The following ZNF609 variants were observed in gnomAD, a reference collection of about 807,000 sequenced individuals.
The protein encoded by ZNF609 is zinc finger protein 609.
A neutral mutation model predicts 109.5 loss-of-function variants in ZNF609; 11 were observed. The observed-to-expected ratio is 0.10, with a 90% CI of 0.06 to 0.17. The LOEUF is 0.17. ZNF609 is among the 10% of genes least tolerant of loss of function. ZNF609 has a pLI of 1.00. For missense variants in ZNF609, 1,559 were observed against 1,772.4 expected (o/e 0.88, Z 2.16); for synonymous variants, 646 against 662.0 (o/e 0.98, Z 0.37).
Position 64,684,572 on chromosome 15 carries a change from ACT to A in ZNF609, c.*2892_*2893del, listed in dbSNP as rs2083230401. 1 of 152,258 alleles carries A rather than the reference ACT, an allele frequency of 6.6e-6. No individual in the cohort carries two copies. 9.4% of individuals were successfully genotyped at this position (152,258 alleles called of 1,614,324 possible). On this transcript the variant is annotated 3_prime_UTR_variant, in exon 10 of 10. Coordinates refer to ENST00000326648, the MANE Select transcript of ZNF609 (RefSeq NM_015042.2). ...GTATGAAATTTCCTTCTCTTACCGA[ACT>A]CTCTCCACACATCACAAGGTCAAAG...
At position 64,516,408 on chromosome 15, in the gene ZNF609, G is replaced by A. The variant is rs543732885; in HGVS notation, c.747+16242G>A. ...TTGTTTTGAGACAGAGTCTTGCTCT[G>A]TTGCCCAGGCTGGAGTGCAATGGCA... On this transcript the variant is annotated intron_variant, in intron 2 of 9. Transcript: ENST00000326648. Among the ~76,000 whole-genome samples, 242 of 152,304 alleles carry A rather than the reference G, an allele frequency of 1.6e-3. 1 individual carries two copies. Among genetic ancestry groups the A allele is most frequent in the Non-Finnish European group, 2.6e-3 (178 of 68,022 alleles).
intron 2 of ZNF609, among the ~76,000 whole-genome samples, chr15:64,507,710 G>A (rs1451287575): frequency 6.6e-6 from 1 of 152,128 alleles, no homozygotes; most frequent in Non-Finnish European, 1.5e-5. Flanking sequence ...TGAGCATGTT[G>A]TATCTCTGTG....
chr15:64,667,620 G>T (rs1015324359), intron 3 of ZNF609, among the ~76,000 whole-genome samples: 1 of 152,100 alleles, frequency 6.6e-6, no homozygotes, highest in African/African-American at 2.4e-5. Context: ...GCTGAGGCAG[G>T]AGAATCACTT....
chr15:64,665,064 C>T (rs1896627646), intron 3 of ZNF609, among the ~76,000 whole-genome samples: 1 of 152,194 alleles, frequency 6.6e-6, no homozygotes. Flanking sequence ...GGGAGACATC[C>T]ATTTGAAATC....
At chr15:64,590,280 G>C (rs957446159) in intron 2 of ZNF609, among the ~76,000 whole-genome samples, 2 of 152,110 alleles carry the variant, frequency 1.3e-5, no homozygotes, top group African/African-American at 4.8e-5. Context: ...ATACATATTA[G>C]TAGGGGAGAG....
At chr15:64,582,711 TC>T (rs1478840571) in intron 2 of ZNF609, among the ~76,000 whole-genome samples, 22 of 104,718 alleles carry the variant, frequency 2.1e-4, no homozygotes, top group African/African-American at 5.9e-4. Flanking sequence ...TTTCTTTCTT[TC>T]TTTCTTTTTT....
At chr15:64,565,066 T>C (rs1894754592) in intron 2 of ZNF609, among the ~76,000 whole-genome samples, 2 of 148,852 alleles carry the variant, frequency 1.3e-5, no homozygotes, top group Non-Finnish European at 3.0e-5. Context: ...TCTTTTTTTT[T>C]TTTTGAGACG....
rs577242404 is a variant in ZNF609, at chr15:64,529,241, G to A, written c.747+29075G>A. 134 of 717,076 alleles carry A rather than the reference G, an allele frequency of 1.9e-4. No homozygotes were observed. In the African/African-American group the frequency reaches 2.2e-3, roughly 12 times the overall value. 44.4% of individuals were successfully genotyped at this position (717,076 alleles called of 1,614,324 possible). A position where few individuals can be genotyped will look rare whatever the true frequency, so the allele number is the denominator to read the frequency against. ...AGGAGGCATTGCTGACGATCTTGAGGCTGTTGTCATACTTCTCATGGTTCA... is the reference window on the plus strand; with the variant it reads ...AGGAGGCATTGCTGACGATCTTGAGACTGTTGTCATACTTCTCATGGTTCA... On this transcript the variant is annotated intron_variant, in intron 2 of 9. Transcript: ENST00000326648.
intron 3 of ZNF609, among the ~76,000 whole-genome samples, chr15:64,643,104 G>C (rs1436288847): frequency 6.6e-6 from 1 of 152,096 alleles, no homozygotes; most frequent in Non-Finnish European, 1.5e-5. Context: ...CCAGAGATCA[G>C]CTGTGGGAAG....
chr15:64,641,215 C>CTTTCTTTTTTTT (rs1896248895), intron 3 of ZNF609, among the ~76,000 whole-genome samples: 1 of 18,126 alleles, frequency 5.5e-5, no homozygotes, highest in South Asian at 6.4e-4. Flanking sequence ...TACACTTGTG[C>CTTTCTTTTTTTT]TTTCTTTTTT....
chr15:64,652,701 T>C (rs1806032373), intron 3 of ZNF609, among the ~76,000 whole-genome samples: 1 of 152,154 alleles, frequency 6.6e-6, no homozygotes, highest in South Asian at 2.1e-4. Context: ...ACTTGGCTTA[T>C]TTTTTAAAAA....
intron 2 of ZNF609, among the ~76,000 whole-genome samples, chr15:64,537,338 A>C (rs1429731693): frequency 6.6e-6 from 1 of 151,042 alleles, no homozygotes; most frequent in African/African-American, 2.4e-5. Context: ...TCTCTACTAA[A>C]AATACATACA....
At chr15:64,585,141 A>G (rs1408849605) in intron 2 of ZNF609, among the ~76,000 whole-genome samples, 1 of 151,776 alleles carries the variant, frequency 6.6e-6, no homozygotes, top group Non-Finnish European at 1.5e-5. Context: ...CCTGGCCAAC[A>G]TGGCAAAAAC....
At chr15:64,500,504 T>G in intron 2 of ZNF609, 1 of 616,658 alleles carries the variant, frequency 1.6e-6, no homozygotes, top group Non-Finnish European at 2.9e-6. Flanking sequence ...CATCAGACCT[T>G]TATTTGTTTC....
chr15:64,669,285 T>C (rs567055278), intron 3 of ZNF609, among the ~76,000 whole-genome samples: 2 of 152,328 alleles, frequency 1.3e-5, no homozygotes, highest in East Asian at 3.9e-4. Flanking sequence ...TTGCAGTTTA[T>C]TTGTAATAGC....
chr15:64,526,108 T>C (rs1275051115), intron 2 of ZNF609, among the ~76,000 whole-genome samples: 1 of 150,782 alleles, frequency 6.6e-6, no homozygotes, highest in Non-Finnish European at 1.5e-5. Context: ...TCTTTTCTTT[T>C]TTTTTTTTTT....
intron 1 of ZNF609, among the ~76,000 whole-genome samples, chr15:64,481,053 T>G (rs759396315): frequency 6.6e-6 from 1 of 152,206 alleles, no homozygotes; most frequent in African/African-American, 2.4e-5. Flanking sequence ...ATACCGTGAT[T>G]AAGTTCAGCA....
chr15:64,606,088 G>A (rs1473259198), intron 2 of ZNF609, among the ~76,000 whole-genome samples: 1 of 149,920 alleles, frequency 6.7e-6, no homozygotes. Context: ...CTGTCTTTTA[G>A]CAGGATTAGC....
At chr15:64,668,722 G>A (rs1034651345) in intron 3 of ZNF609, among the ~76,000 whole-genome samples, 4 of 152,068 alleles carry the variant, frequency 2.6e-5, no homozygotes, top group African/African-American at 9.7e-5. Context: ...GGGAGGTTGA[G>A]GCAGGCGGAT....
Sources: gnomAD v4.1 joint callset for allele counts (sites outside exome capture counted in the v4.1 genomes callset) on GRCh38, gnomAD v4.1.1 for gene constraint, MANE v1.5 for transcripts, NCBI Gene and HGNC (gene_info 2026-07-23, HGNC 2026-07-21) for gene names.